The following NOTCH2 variants were observed in gnomAD, a reference collection of about 807,000 sequenced individuals.
NOTCH2 encodes the protein notch receptor 2.
Under a neutral mutation model 235.8 loss-of-function variants are expected in NOTCH2, and 29 were observed. The observed-to-expected ratio is 0.12, with a 90% CI of 0.09 to 0.17. The LOEUF (loss-of-function observed/expected upper bound fraction) is 0.17. Among genes scored for constraint, NOTCH2 ranks in the 10% least tolerant of loss-of-function variants. The probability of loss-of-function intolerance (pLI) is 1.00; values close to 1 mark genes in which losing one functional copy is unlikely to be tolerated. For missense variants in NOTCH2, 2,285 were observed against 3,150.2 expected, an observed-to-expected ratio of 0.73 and a Z score of 6.57; for synonymous variants, 1,086 against 1,141.5, an observed-to-expected ratio of 0.95 and a Z score of 0.98.
chr1:119,941,784 G>A (rs1650073353), intron 17 of NOTCH2, 30 bp from the exon 18 acceptor site: 7 of 1,485,660 alleles, frequency 4.7e-6, no homozygotes, highest in Non-Finnish European at 5.6e-6. Context: ...TTAGACCTCT[G>A]AAGAGTAGCA....
chr1:119,954,547 C>T (rs1358836488), intron 13 of NOTCH2, among the ~76,000 whole-genome samples: 1 of 152,150 alleles, frequency 6.6e-6, no homozygotes, highest in African/African-American at 2.4e-5. Flanking sequence ...AAATCACTAA[C>T]ACATCACACA....
At chr1:119,951,005 C>T (rs1249901296) in intron 14 of NOTCH2, among the ~76,000 whole-genome samples, 168 bp from the exon 15 acceptor site, 3 of 152,188 alleles carry the variant, frequency 2.0e-5, no homozygotes, top group Non-Finnish European at 4.4e-5. Flanking sequence ...CCCTGAAATA[C>T]AGTCAGTAAA....
At chr1:120,060,420 A>G (rs1655270810) in intron 1 of NOTCH2, among the ~76,000 whole-genome samples, 1 of 148,238 alleles carries the variant, frequency 6.7e-6, no homozygotes, top group African/African-American at 2.5e-5. Flanking sequence ...GTGTGTGCAT[A>G]TATATATATG....
At chr1:120,043,154 A>C (rs1553213111) in intron 1 of NOTCH2, among the ~76,000 whole-genome samples, 1 of 150,962 alleles carries the variant, frequency 6.6e-6, no homozygotes, top group Non-Finnish European at 1.5e-5. Context: ...AGCTTCTAAT[A>C]GGCAGGGATT....
Position 119,959,421 on chromosome 1 carries a change from T to C in NOTCH2, c.1997A>G (p.Tyr666Cys). The C allele has an allele frequency of 6.2e-7, 1 of 1,609,860 alleles. No homozygotes were observed. The highest frequency in any genetic ancestry group is 8.5e-7 in the Non-Finnish European group (1 of 1,176,130). Residue 666 changes from tyrosine to cysteine, a missense_variant, in exon 12 of 34, where the codon TAC becomes TGC. Transcript: ENST00000256646. ...HGICMDGINR[Y>C]SCVCSPGFTG... ...GAATCCTGGTGAGCAGACACAACTGTAGCGATTAATGCCATCCATACAGAT... is the reference window on the plus strand; with the variant it reads ...GAATCCTGGTGAGCAGACACAACTGCAGCGATTAATGCCATCCATACAGAT...
intron 5 of NOTCH2, 64 bp downstream of exon 5, chr1:119,986,896 A>C: frequency 6.2e-7 from 1 of 1,610,142 alleles, no homozygotes; most frequent in African/African-American, 1.3e-5. Context: ...TATTTTAAAA[A>C]AACAGTCTGC....
At chr1:119,935,699 C>T in intron 21 of NOTCH2, 95 bp from the exon 22 acceptor site, 1 of 1,313,300 alleles carries the variant, frequency 7.6e-7, no homozygotes. Context: ...CTGTGACTGT[C>T]TCCCACCTCC....
At chr1:119,917,536 G>C in intron 33 of NOTCH2, 129 bp downstream of exon 33, 1 of 754,888 alleles carries the variant, frequency 1.3e-6, no homozygotes, top group Non-Finnish European at 2.4e-6. Flanking sequence ...TCGAAACCCA[G>C]TGTCTGCCCA....
At chr1:119,918,381 C>T (rs1350946628) in intron 32 of NOTCH2, 25 bp downstream of exon 32, 1 of 1,613,418 alleles carries the variant, frequency 6.2e-7, no homozygotes. Flanking sequence ...AGGTAAGAAT[C>T]CAAATCCCTG....
chr1:119,923,730 A>G lies in NOTCH2; in HGVS notation c.4766T>C (p.Val1589Ala), dbSNP rs1482518633. ...IKRDSQGELMVYPYYGEKSAA... is the reference protein window; with the variant it reads ...IKRDSQGELMAYPYYGEKSAA... ...TGACTTCTCACCATAATAGGGGTAC[A>G]CCATGAGTTCCCCCTGGGAGTCCCG... Residue 1589 changes from valine (V) to alanine (A), a missense_variant, in exon 26 of 34, where the codon GTG (valine) becomes GCG (alanine). Physicochemically the swap from Val to Ala is moderately conservative, Grantham distance 64 (BLOSUM62 0). This residue lies in a region of NOTCH2 where 1,173 missense variants were observed against 1,515.3 expected (regional missense o/e 0.77). Transcript: ENST00000256646. 4.3e-6 allele frequency: 7 copies of G among 1,614,094 alleles called. No homozygotes were observed. Among genetic ancestry groups the G allele is most frequent in the Non-Finnish European group, 5.9e-6 (7 of 1,179,968 alleles).
At chr1:120,002,901 T>C (rs1652822564) in intron 3 of NOTCH2, among the ~76,000 whole-genome samples, 1 of 149,532 alleles carries the variant, frequency 6.7e-6, no homozygotes, top group Non-Finnish European at 1.5e-5. Context: ...AATTATTGTC[T>C]TTATTTGAAG....
intron 5 of NOTCH2, among the ~76,000 whole-genome samples, chr1:119,981,328 G>A (rs779863769): frequency 1.3e-5 from 2 of 152,088 alleles, no homozygotes; most frequent in Non-Finnish European, 2.9e-5. Flanking sequence ...TCCTAGTGTG[G>A]TTATGTGTGG....
At chr1:120,066,130 T>C (rs2799246) in intron 1 of NOTCH2, among the ~76,000 whole-genome samples, 29,116 of 150,956 alleles carry the variant, frequency 0.19, 2,945 homozygotes, top group African/African-American at 0.38. Flanking sequence ...CCCAGATAAA[T>C]AGAAGAAATG....
Position 119,916,201 on chromosome 1 carries a change from C to G in NOTCH2, c.6521G>C (p.Gly2174Ala), listed in dbSNP as rs1649062330. Reference protein sequence around the residue: ...TTSSPMITSPGILQASPNPML... With the variant: ...TTSSPMITSPAILQASPNPML... ...AGGGTTGGGTGAGGCCTGTAAGATC[C>G]CAGGGGATGTAATCATTGGAGAGGA... The change falls in exon 34 of 34, where the codon GGG becomes GCG. Residue 2174 changes from glycine (G) to alanine (A), a missense_variant. Gly to Ala is a moderately conservative substitution (Grantham distance 60). Around this residue, in one of 6 missense-constraint regions of NOTCH2, gnomAD observed 504 missense variants for 538.0 expected, o/e 0.94. Transcript: ENST00000256646. 3 of 1,614,032 alleles carry G rather than the reference C, an allele frequency of 1.9e-6. No homozygotes were observed. In the South Asian group the frequency reaches 3.3e-5, roughly 18 times the overall value.
At chr1:119,978,979 G>A (rs1651705876) in intron 5 of NOTCH2, among the ~76,000 whole-genome samples, 1 of 152,166 alleles carries the variant, frequency 6.6e-6, no homozygotes, top group African/African-American at 2.4e-5. Context: ...AAAGCACACT[G>A]GGAAAATTAT....
intron 21 of NOTCH2, 34 bp downstream of exon 21, chr1:119,937,248 A>G (rs1649887238): frequency 1.2e-6 from 2 of 1,603,860 alleles, no homozygotes; most frequent in East Asian, 4.5e-5. Flanking sequence ...ATCTCCTGGG[A>G]GGTCCATGAC....
intron 1 of NOTCH2, among the ~76,000 whole-genome samples, chr1:120,037,032 TAACATGTA>T (rs1553212006): frequency 6.6e-6 from 1 of 152,052 alleles, no homozygotes; most frequent in African/African-American, 2.4e-5. Flanking sequence ...CTTGTTGCAT[TAACATGTA>T]ATCGTTTTAA....
rs1345478611 is a variant in NOTCH2 at position 119,924,000 on chromosome 1, C to G, written c.4512-16G>C. The G allele has an allele frequency of 3.1e-6, 5 of 1,600,536 alleles. No individual in the cohort carries two copies. The highest frequency in any genetic ancestry group is 3.4e-6 in the Non-Finnish European group (4 of 1,168,100). On this transcript the variant is annotated splice_polypyrimidine_tract_variant and intron_variant, in intron 25 of 33. Coordinates refer to ENST00000256646, the MANE Select transcript of NOTCH2 (RefSeq NM_024408.4). Reference sequence around the variant, plus strand: ...TTTGTCATACCTAGGTAAGGGGAAGCAGAGAACAGGCAAAAGAGCTCAGAT... The same window carrying G: ...TTTGTCATACCTAGGTAAGGGGAAGGAGAGAACAGGCAAAAGAGCTCAGAT...
rs1204320422 is a variant in NOTCH2, at chr1:119,916,210, G to A, written c.6512C>T (p.Thr2171Ile). Residue 2171 changes from threonine to isoleucine, a missense_variant, in exon 34 of 34, where the codon ACA becomes ATA. This residue lies in a region of NOTCH2 where 504 missense variants were observed against 538.0 expected (regional missense o/e 0.94). Transcript: ENST00000256646. ...VSDTTSSPMITSPGILQASPN... is the reference protein window; with the variant it reads ...VSDTTSSPMIISPGILQASPN... The stretch of plus-strand genomic sequence containing the variant: ...TGAGGCCTGTAAGATCCCAGGGGAT[G>A]TAATCATTGGAGAGGATGTGGTGTC... 2.5e-6 allele frequency: 4 copies of A among 1,614,246 alleles called. No individual in the cohort carries two copies. The highest frequency in any genetic ancestry group is 2.2e-5 in the East Asian group (1 of 44,888).
Sources: allele counts gnomAD v4.1 joint callset (sites outside exome capture counted in the v4.1 genomes callset), GRCh38; gene constraint gnomAD v4.1.1; regional missense constraint gnomAD v4.1.1; transcripts MANE v1.5; gene names NCBI Gene and HGNC (gene_info 2026-07-23, HGNC 2026-07-21).